The following IL1RAPL2 variants were observed in gnomAD, a reference collection of about 807,000 sequenced individuals.
IL1RAPL2 encodes interleukin 1 receptor accessory protein like 2.
Under a neutral mutation model 44.1 loss-of-function variants are expected in IL1RAPL2, and 3 were observed. That is an observed-to-expected ratio of 0.07 (90% CI 0.03 to 0.18). The LOEUF (loss-of-function observed/expected upper bound fraction) is 0.18. IL1RAPL2 is among the 10% of genes least tolerant of loss of function. The probability of loss-of-function intolerance (pLI) is 1.00; values close to 1 mark genes in which losing one functional copy is unlikely to be tolerated. For missense variants in IL1RAPL2, 391 were observed against 496.4 expected, an observed-to-expected ratio of 0.79 and a Z score of 2.02; for synonymous variants, 181 against 178.8, an observed-to-expected ratio of 1.01 and a Z score of -0.10.
At chrX:104,976,749 C>T (rs897258785) in intron 2 of IL1RAPL2, among the ~76,000 whole-genome samples, 1 of 110,797 alleles carries the variant, frequency 9.0e-6, no homozygotes, top group Non-Finnish European at 1.9e-5. Flanking sequence ...ATGCCAAAAA[C>T]CCCAGAGTAT....
chrX:105,697,637 C>CTAA (rs1424640663), intron 6 of IL1RAPL2, among the ~76,000 whole-genome samples: 1 of 110,920 alleles, frequency 9.0e-6, no homozygotes, highest in Non-Finnish European at 1.9e-5. Flanking sequence ...ATGGACTGTT[C>CTAA]TAATGTACTG....
chrX:105,539,802 G>A (rs1033222790), intron 6 of IL1RAPL2, among the ~76,000 whole-genome samples: 4 of 111,575 alleles, frequency 3.6e-5, no homozygotes, highest in Non-Finnish European at 7.5e-5. Flanking sequence ...CAGAATGTGT[G>A]ATGAACTTAA....
chrX:104,573,706 C>T (rs936188819), intron 1 of IL1RAPL2, among the ~76,000 whole-genome samples: 14 of 112,130 alleles, frequency 1.2e-4, no homozygotes, highest in Admixed American at 3.8e-4. Flanking sequence ...TGATCTATCA[C>T]GTATAACTTA....
At chrX:105,143,860 G>A (rs1218117468) in intron 2 of IL1RAPL2, among the ~76,000 whole-genome samples, 1 of 109,763 alleles carries the variant, frequency 9.1e-6, no homozygotes, top group Non-Finnish European at 1.9e-5. Flanking sequence ...GAGAGGGGAG[G>A]GATAGCATTA....
intron 3 of IL1RAPL2, among the ~76,000 whole-genome samples, chrX:105,233,213 A>T (rs5962480): frequency 9.1e-6 from 1 of 110,482 alleles, no homozygotes; most frequent in Admixed American, 9.7e-5. Context: ...GAACCCGGGA[A>T]GCAGAGCTTA....
At chrX:105,686,273 G>A in intron 6 of IL1RAPL2, among the ~76,000 whole-genome samples, 2 of 105,651 alleles carry the variant, frequency 1.9e-5, no homozygotes, top group Admixed American at 2.1e-4. Flanking sequence ...TTGATAAAGA[G>A]TCAAGACCCA....
chrX:105,712,050 G>A (rs1471900952), intron 6 of IL1RAPL2, among the ~76,000 whole-genome samples: 1 of 111,269 alleles, frequency 9.0e-6, no homozygotes, highest in Non-Finnish European at 1.9e-5. Flanking sequence ...AGCTTTTGGA[G>A]GCTGGTGTTA....
intron 2 of IL1RAPL2, among the ~76,000 whole-genome samples, chrX:104,840,443 T>A (rs1480935640): frequency 2.7e-5 from 3 of 111,800 alleles, no homozygotes; most frequent in Non-Finnish European, 5.6e-5. Flanking sequence ...TTGTTATGAT[T>A]TCAGTTCTTT....
chrX:105,303,268 C>T (rs1285574411), intron 5 of IL1RAPL2, among the ~76,000 whole-genome samples: 2 of 112,051 alleles, frequency 1.8e-5, no homozygotes, highest in African/African-American at 6.5e-5. Flanking sequence ...CTGGATTCCG[C>T]ACAAAAAGAG....
intron 6 of IL1RAPL2, among the ~76,000 whole-genome samples, chrX:105,647,446 A>T (rs1258522343): frequency 9.0e-6 from 1 of 111,686 alleles, no homozygotes; most frequent in Non-Finnish European, 1.9e-5. Flanking sequence ...TCTCAGGCTT[A>T]GATGATTTGA....
At chrX:104,640,908 C>T (rs1929921505) in intron 1 of IL1RAPL2, among the ~76,000 whole-genome samples, 1 of 112,198 alleles carries the variant, frequency 8.9e-6, no homozygotes, top group African/African-American at 3.2e-5. Flanking sequence ...GTATGCCTGT[C>T]CTTGGGCCCC....
chrX:105,577,746 C>A (rs2037060824), intron 6 of IL1RAPL2, among the ~76,000 whole-genome samples: 1 of 110,293 alleles, frequency 9.1e-6, no homozygotes, highest in Admixed American at 9.8e-5. Flanking sequence ...CACACTTTGC[C>A]ACTCACCTCA....
chrX:104,947,116 T>C (rs1758316765), intron 2 of IL1RAPL2, among the ~76,000 whole-genome samples: 1 of 111,759 alleles, frequency 8.9e-6, no homozygotes, highest in African/African-American at 3.3e-5. Context: ...TTCTAACTGG[T>C]GTGAGATGGT....
chrX:104,614,159 A>T (rs1418977564), intron 1 of IL1RAPL2, among the ~76,000 whole-genome samples: 2 of 110,456 alleles, frequency 1.8e-5, no homozygotes, highest in Non-Finnish European at 3.8e-5. Flanking sequence ...GGTTTTGTTG[A>T]TTCTTCATAT....
At chrX:104,661,521 C>T (rs940497092) in intron 2 of IL1RAPL2, among the ~76,000 whole-genome samples, 10 of 111,197 alleles carry the variant, frequency 9.0e-5, no homozygotes, top group Non-Finnish European at 1.7e-4. Context: ...CTGATGAAAA[C>T]GAGGATACTT....
intron 2 of IL1RAPL2, among the ~76,000 whole-genome samples, chrX:105,082,944 G>A (rs2032433206): frequency 9.0e-6 from 1 of 111,261 alleles, no homozygotes; most frequent in African/African-American, 3.3e-5. Flanking sequence ...ACTGGACGGA[G>A]AATGAGTTTG....
chrX:105,378,600 C>T (rs756701354), intron 5 of IL1RAPL2, among the ~76,000 whole-genome samples: 12 of 111,551 alleles, frequency 1.1e-4, no homozygotes, highest in East Asian at 8.5e-4. Context: ...GAGTGAGCAG[C>T]TTTCATAGAG....
At chrX:104,776,168 A>G (rs1234952809) in intron 2 of IL1RAPL2, among the ~76,000 whole-genome samples, 1 of 112,260 alleles carries the variant, frequency 8.9e-6, no homozygotes, top group Non-Finnish European at 1.9e-5. Context: ...GGAACATAAT[A>G]ACTGGGGAAC....
At chrX:104,673,235 A>C (rs1334481476) in intron 2 of IL1RAPL2, among the ~76,000 whole-genome samples, 3 of 111,649 alleles carry the variant, frequency 2.7e-5, no homozygotes, top group East Asian at 5.6e-4. Flanking sequence ...TTTTAGGTCT[A>C]ACGTTTAAGT....
Sources: gnomAD v4.1 joint callset for allele counts (sites outside exome capture counted in the v4.1 genomes callset) on GRCh38, gnomAD v4.1.1 for gene constraint, MANE v1.5 for transcripts, NCBI Gene and HGNC (gene_info 2026-07-23, HGNC 2026-07-21) for gene names.